The following SP2 variants were observed in gnomAD, a reference collection of about 807,000 sequenced individuals.
The protein encoded by SP2 is transcription factor Sp2.
A neutral mutation model predicts 50.1 loss-of-function variants in SP2; 9 were observed. That is an observed-to-expected ratio of 0.18 (90% CI 0.11 to 0.31). The LOEUF is 0.31. SP2 is among the 10% of genes least tolerant of loss of function. The pLI, the probability that SP2 is intolerant of heterozygous loss-of-function variation, is 1.00. For synonymous variants in SP2, 313 were observed against 326.6 expected, an observed-to-expected ratio of 0.96 and a Z score of 0.45; for missense variants, 581 against 806.5, an observed-to-expected ratio of 0.72 and a Z score of 3.39.
chr17:47,915,561 G>A (rs920926767), intron 2 of SP2, among the ~76,000 whole-genome samples, 173 bp downstream of exon 2: 2 of 152,126 alleles, frequency 1.3e-5, no homozygotes, highest in Non-Finnish European at 1.5e-5. Flanking sequence ...CTAAGGTGCC[G>A]CAGTTGGGCC....
rs1227332939 is a variant in SP2 at position 47,916,658 on chromosome 17, G to C, written c.587G>C (p.Ser196Thr). Residue 196 changes from serine to threonine, a missense_variant, in exon 3 of 7, where the codon AGC (serine) becomes ACC (threonine). Around this residue, in one of 2 missense-constraint regions of SP2, gnomAD observed 397 missense variants for 491.0 expected, o/e 0.81. Coordinates refer to ENST00000376741, the MANE Select transcript of SP2 (RefSeq NM_003110.6). The surrounding 1 kb of genome is among the most constrained non-coding windows in gnomAD (Gnocchi z 4.7). The stretch of plus-strand genomic sequence containing the variant: ...AGTACGACCACCACCCCCGTGCAGA[G>C]CGGGGCCAATGTGGTGAAGCTGACA... ...KSSTTTTPVQSGANVVKLTGG... is the reference protein window; with the variant it reads ...KSSTTTTPVQTGANVVKLTGG... 2 of 1,613,932 alleles carry C rather than the reference G, an allele frequency of 1.2e-6. No homozygotes were observed. Among genetic ancestry groups the C allele is most frequent in the Admixed American group, 3.3e-5 (2 of 60,000 alleles).
chr17:47,921,994 A>G (rs2035477535), intron 3 of SP2, among the ~76,000 whole-genome samples: 1 of 152,170 alleles, frequency 6.6e-6, no homozygotes, highest in Admixed American at 6.5e-5. Context: ...ATTTGAATCT[A>G]TATTTCTCTG....
chr17:47,902,641 G>A (rs1409768897), intron 1 of SP2, among the ~76,000 whole-genome samples: 1 of 152,210 alleles, frequency 6.6e-6, no homozygotes, highest in Non-Finnish European at 1.5e-5. Context: ...TTTTAAGGCT[G>A]AGGAGCTGGA....
chr17:47,907,854 A>C (rs558533572), intron 1 of SP2, among the ~76,000 whole-genome samples: 1 of 152,328 alleles, frequency 6.6e-6, no homozygotes, highest in East Asian at 1.9e-4. Flanking sequence ...TGAGGTTCTA[A>C]AGTGCCTTTG....
At chr17:47,924,798 C>T in intron 4 of SP2, 121 bp from the exon 5 acceptor site, 1 of 852,516 alleles carries the variant, frequency 1.2e-6, no homozygotes, top group Non-Finnish European at 1.8e-6. Flanking sequence ...ATCCAACATA[C>T]AGCAGGCTCT....
intron 3 of SP2, among the ~76,000 whole-genome samples, chr17:47,919,222 C>G (rs2035335762): frequency 6.6e-6 from 1 of 152,014 alleles, no homozygotes; most frequent in Non-Finnish European, 1.5e-5. Flanking sequence ...CCAGCCTGGG[C>G]AAGATAGCAA....
intron 4 of SP2, among the ~76,000 whole-genome samples, chr17:47,923,590 G>T (rs2035541458): frequency 6.6e-6 from 1 of 152,232 alleles, no homozygotes. Flanking sequence ...AAAGAAGGGA[G>T]CCCTGGCAGT....
In SP2 at chr17:47,925,002, A is replaced by G. The variant is rs780412284; in HGVS notation, c.1456A>G (p.Met486Val). 8.1e-6 allele frequency: 13 copies of G among 1,614,054 alleles called. No homozygotes were observed. Among genetic ancestry groups the G allele is most frequent in the Non-Finnish European group, 1.1e-5 (13 of 1,180,010 alleles). The part of the protein sequence containing the change: ...GLSPTQIQLQ[M>V]EQALAGETQP... The stretch of plus-strand genomic sequence containing the variant: ...GAGCCCCACCCAGATCCAGCTGCAA[A>G]TGGAACAAGCCCTGGCCGGAGAGAC... The change falls in exon 5 of 7, where the codon ATG becomes GTG. Residue 486 changes from methionine (M) to valine (V), a missense_variant. Physicochemically the swap from Met to Val is conservative, Grantham distance 21. This residue lies in a region of SP2 where 184 missense variants were observed against 315.5 expected (regional missense o/e 0.58). Transcript: ENST00000376741.
chr17:47,925,367 A>T lies in SP2; in HGVS notation c.1567A>T (p.Lys523Ter). The change falls in exon 6 of 7, where the codon AAG becomes TAG. Residue 523 changes from lysine (K) to a stop codon, truncating the protein, a stop_gained. Coordinates refer to ENST00000376741, the MANE Select transcript of SP2 (RefSeq NM_003110.6). LOFTEE classifies it high-confidence loss of function. ...TCTCAGGTCTGGAGAGCAGGGCAAG[A>T]AGAAGCACGTGTGCCACATCCCCGA... ...GEKRSGEQGKKKHVCHIPDCG... is the reference protein window; with the variant it reads ...GEKRSGEQGK 6.2e-7 allele frequency: 1 copy of T among 1,613,896 alleles called. No homozygotes were observed. Among genetic ancestry groups the T allele is most frequent in the East Asian group, 2.2e-5 (1 of 44,888 alleles).
chr17:47,922,618 A>T lies in SP2; in HGVS notation c.1060-344A>T, dbSNP rs2144044761. The stretch of plus-strand genomic sequence containing the variant: ...TGAAAACCTGGAATTCCTGGGCTCT[A>T]AAATGTGGCTCTTAAAAACTAAAGT... On this transcript the variant is annotated intron_variant, in intron 3 of 6. Transcript: ENST00000376741. Among the ~76,000 whole-genome samples the T allele has an allele frequency of 1.3e-5, 2 of 152,044 alleles. 1 individual carries two copies. Among genetic ancestry groups the T allele is most frequent in the East Asian group, 3.9e-4 (2 of 5,188 alleles).
At chr17:47,924,593 T>C (rs1490332555) in intron 4 of SP2, among the ~76,000 whole-genome samples, 3 of 152,246 alleles carry the variant, frequency 2.0e-5, no homozygotes, top group East Asian at 1.9e-4. Flanking sequence ...TCTGCCTACA[T>C]AGTACAGTGG....
intron 6 of SP2, 72 bp downstream of exon 6, chr17:47,925,613 A>G: frequency 7.9e-7 from 1 of 1,266,816 alleles, no homozygotes. Context: ...CCCCCACTCT[A>G]CCGGCTTTAG....
Position 47,926,309 on chromosome 17 carries a change from C to CT in SP2, c.1741+773dup, listed in dbSNP as rs1322377605. The stretch of plus-strand genomic sequence containing the variant: ...GGTTCACACCCAGGCCCTGCCATGG[C>CT]TTTTTGTTTTTTTTTTTTTTTAAGA... On this transcript the variant is annotated intron_variant, in intron 6 of 6. Transcript: ENST00000376741. 9.6e-4 allele frequency among the ~76,000 whole-genome samples: 123 copies of CT among 127,834 alleles called. 1 individual carries two copies. Among genetic ancestry groups the CT allele is most frequent in the African/African-American group, 3.3e-3 (109 of 32,870 alleles). 83.9% of individuals were successfully genotyped at this position (127,834 alleles called of 152,430 possible).
chr17:47,912,229 C>T (rs1292184872), intron 1 of SP2, among the ~76,000 whole-genome samples: 1 of 152,106 alleles, frequency 6.6e-6, no homozygotes, highest in Non-Finnish European at 1.5e-5. Context: ...TAGGATTTTG[C>T]CAAGAATCAG....
At chr17:47,920,874 C>G (rs1350862554) in intron 3 of SP2, among the ~76,000 whole-genome samples, 2 of 152,132 alleles carry the variant, frequency 1.3e-5, no homozygotes, top group Admixed American at 6.5e-5. Flanking sequence ...CAGCCATTAC[C>G]TCTATATAAT....
At position 47,926,588 on chromosome 17, in the gene SP2, G is replaced by T. The variant is rs2144093573; in HGVS notation, c.1741+1047G>T. On this transcript the variant is annotated intron_variant, in intron 6 of 6. Transcript: ENST00000376741. ...CTGCCTCCCAAAGTGAGATATCACA[G>T]TTATAGTTTTAGGTACTAGCAAATC... Among the ~76,000 whole-genome samples, 3 of 152,204 alleles carry T rather than the reference G, an allele frequency of 2.0e-5. No individual in the cohort carries two copies. In the South Asian group the frequency reaches 6.2e-4, roughly 32 times the overall value.
rs1054343358 is a variant in SP2 at position 47,916,568 on chromosome 17, T to C, written c.497T>C (p.Ile166Thr). 1.2e-6 allele frequency: 2 copies of C among 1,613,886 alleles called. No individual in the cohort carries two copies. The highest frequency in any genetic ancestry group is 1.1e-5 in the South Asian group (1 of 91,080). Residue 166 changes from isoleucine (I) to threonine (T), a missense_variant, in exon 3 of 7, where the codon ATC (isoleucine) becomes ACC (threonine). This residue lies in a region of SP2 where 397 missense variants were observed against 491.0 expected (regional missense o/e 0.81). Transcript: ENST00000376741. This position sits in a 1 kb window ranked among gnomAD's most constrained non-coding sequence, Gnocchi z 4.7. The part of the protein sequence containing the change: ...IQIIPGTNQA[I>T]ITPSPSSHKP... ...ATCATCCCTGGCACCAACCAAGCCA[T>C]CATCACCCCCTCACCGTCCAGTCAC...
chr17:47,906,100 C>A (rs2034749947), intron 1 of SP2, among the ~76,000 whole-genome samples: 1 of 152,150 alleles, frequency 6.6e-6, no homozygotes, highest in Non-Finnish European at 1.5e-5. Flanking sequence ...TAAAAAGAGC[C>A]TTCTAACCAA....
chr17:47,920,351 G>A (rs1340389630), intron 3 of SP2, among the ~76,000 whole-genome samples: 1 of 147,810 alleles, frequency 6.8e-6, no homozygotes, highest in Non-Finnish European at 1.5e-5. Context: ...GTGCAGTGGC[G>A]CCATCTCGGC....
Sources: allele counts gnomAD v4.1 joint callset (sites outside exome capture counted in the v4.1 genomes callset), GRCh38; gene constraint gnomAD v4.1.1; regional missense constraint gnomAD v4.1.1; non-coding constraint Gnocchi (gnomAD v3.1); transcripts MANE v1.5; gene names NCBI Gene and HGNC (gene_info 2026-07-23, HGNC 2026-07-21).